Variants in SLC39A11 observed in about 807,000 individuals in gnomAD.
SLC39A11 encodes the protein zinc transporter ZIP11.
A neutral mutation model predicts 36.1 loss-of-function variants in SLC39A11; 33 were observed. The observed-to-expected ratio is 0.91, with a 90% CI of 0.69 to 1.22. SLC39A11 has a LOEUF of 1.22. Ranked by LOEUF, SLC39A11 falls within the 50% of genes most tolerant of loss-of-function variation. The pLI is 0.00. For synonymous variants in SLC39A11, 166 were observed against 170.3 expected (o/e 0.97, Z 0.20); for missense variants, 432 against 430.3 (o/e 1.00, Z -0.03).
intron 3 of SLC39A11, among the ~76,000 whole-genome samples, chr17:73,062,475 A>AAAAAAAAAAAAAAAAAAAAAAAATC (rs56021607): frequency 1.1e-5 from 1 of 87,034 alleles, no homozygotes; most frequent in Non-Finnish European, 2.1e-5. Context: ...AAAAAAAAAA[A>AAAAAAAAAAAAAAAAAAAAAAAATC]AAACTTTAGG....
intron 6 of SLC39A11, among the ~76,000 whole-genome samples, chr17:72,742,279 C>A (rs538041528): frequency 6.6e-6 from 1 of 152,204 alleles, no homozygotes; most frequent in African/African-American, 2.4e-5. Context: ...GATGGGTATG[C>A]CTAAGGGTTT....
At chr17:72,887,177 A>T (rs2081477093) in intron 5 of SLC39A11, among the ~76,000 whole-genome samples, 1 of 152,198 alleles carries the variant, frequency 6.6e-6, no homozygotes, top group Non-Finnish European at 1.5e-5. Flanking sequence ...GGATAGCACG[A>T]ATCACACACC....
intron 7 of SLC39A11, among the ~76,000 whole-genome samples, chr17:72,713,313 C>T (rs1281938030): frequency 1.3e-5 from 2 of 152,178 alleles, no homozygotes; most frequent in Non-Finnish European, 2.9e-5. Context: ...CAGCATCTCC[C>T]TGTTTCTCCA....
intron 6 of SLC39A11, among the ~76,000 whole-genome samples, chr17:72,836,480 G>A (rs1008491470): frequency 2.0e-5 from 3 of 151,882 alleles, no homozygotes; most frequent in Non-Finnish European, 4.4e-5. Flanking sequence ...AGCTGTGACT[G>A]CAATCACGCG....
chr17:72,868,592 G>A (rs555383207), intron 5 of SLC39A11, among the ~76,000 whole-genome samples: 62 of 121,234 alleles, frequency 5.1e-4, no homozygotes, highest in South Asian at 2.3e-3. Context: ...GACCAGCCTC[G>A]GCAATATAGT....
chr17:72,893,397 T>G, intron 5 of SLC39A11, among the ~76,000 whole-genome samples: 1 of 150,790 alleles, frequency 6.6e-6, no homozygotes, highest in African/African-American at 2.4e-5. Context: ...GGGGTGGAGG[T>G]TGCAGTGACC....
At chr17:72,686,525 C>A (rs1253849998) in intron 7 of SLC39A11, among the ~76,000 whole-genome samples, 1 of 151,844 alleles carries the variant, frequency 6.6e-6, no homozygotes, top group Non-Finnish European at 1.5e-5. Context: ...TCCCTCCAGA[C>A]CCCCCTCTGC....
At chr17:72,918,680 A>C (rs2083466522) in intron 5 of SLC39A11, among the ~76,000 whole-genome samples, 1 of 152,158 alleles carries the variant, frequency 6.6e-6, no homozygotes, top group Non-Finnish European at 1.5e-5. Flanking sequence ...ATGACAAATA[A>C]CTGTTATAAA....
chr17:73,032,265 G>A (rs2058761531), intron 3 of SLC39A11, among the ~76,000 whole-genome samples: 1 of 151,274 alleles, frequency 6.6e-6, no homozygotes, highest in Non-Finnish European at 1.5e-5. Flanking sequence ...GGAGTGCAGT[G>A]GCACAATCTT....
At chr17:73,031,735 G>A (rs1002728065) in intron 3 of SLC39A11, 21 bp from the exon 4 acceptor site, 11 of 1,611,352 alleles carry the variant, frequency 6.8e-6, no homozygotes, top group Non-Finnish European at 9.3e-6. Context: ...CACAACGAGA[G>A]ATAAACGTTA....
intron 5 of SLC39A11, among the ~76,000 whole-genome samples, chr17:72,903,601 T>G (rs937582325): frequency 2.0e-5 from 3 of 152,166 alleles, no homozygotes; most frequent in African/African-American, 7.2e-5. Flanking sequence ...CCCCGGGTAA[T>G]GAGCAGACAC....
chr17:72,947,245 T>C (rs1268713730), intron 5 of SLC39A11, among the ~76,000 whole-genome samples: 1 of 149,952 alleles, frequency 6.7e-6, no homozygotes, highest in Non-Finnish European at 1.5e-5. Context: ...ACCTGAAAGG[T>C]GGAAGTTGCA....
chr17:72,764,542 C>A (rs1025913401), intron 6 of SLC39A11, among the ~76,000 whole-genome samples: 1 of 152,062 alleles, frequency 6.6e-6, no homozygotes, highest in African/African-American at 2.4e-5. Context: ...GCCTTGTGTA[C>A]CCCTTCAGTG....
rs565172176 is a variant in SLC39A11 at position 72,858,740 on chromosome 17, A to G, written c.431-8936T>C. Among the ~76,000 whole-genome samples the G allele has an allele frequency of 1.8e-3, 275 of 152,216 alleles. 1 individual carries two copies. Among genetic ancestry groups the G allele is most frequent in the African/African-American group, 6.2e-3 (259 of 41,518 alleles). Reference sequence around the variant, plus strand: ...TAGGTATTGTATTCTTCTGGGGTCAATTGTGAATGGTATTGCGTTCCTGGT... The same window carrying G: ...TAGGTATTGTATTCTTCTGGGGTCAGTTGTGAATGGTATTGCGTTCCTGGT... On this transcript the variant is annotated intron_variant, in intron 5 of 9. Transcript: ENST00000255559.
intron 7 of SLC39A11, among the ~76,000 whole-genome samples, chr17:72,664,746 T>C (rs1460458608): frequency 6.6e-6 from 1 of 152,256 alleles, no homozygotes; most frequent in Non-Finnish European, 1.5e-5. Context: ...TGCTGGCCTG[T>C]AATGACTTAC....
chr17:73,035,960 C>T (rs1018028730), intron 3 of SLC39A11, among the ~76,000 whole-genome samples: 3 of 151,082 alleles, frequency 2.0e-5, no homozygotes, highest in African/African-American at 7.3e-5. Context: ...TGAAAGATGC[C>T]ATGCTGCTGG....
chr17:72,930,092 C>A (rs190115954), intron 5 of SLC39A11, among the ~76,000 whole-genome samples: 1 of 152,154 alleles, frequency 6.6e-6, no homozygotes, highest in Non-Finnish European at 1.5e-5. Flanking sequence ...TTGAAATATA[C>A]GATCAAAACC....
At chr17:72,686,500 C>T (rs549735346) in intron 7 of SLC39A11, among the ~76,000 whole-genome samples, 33 of 152,302 alleles carry the variant, frequency 2.2e-4, no homozygotes, top group African/African-American at 7.9e-4. Flanking sequence ...GTGCACCACA[C>T]CCTGCCTGGG....
chr17:73,085,248 T>C (rs377040022), intron 2 of SLC39A11, among the ~76,000 whole-genome samples: 2 of 152,006 alleles, frequency 1.3e-5, no homozygotes, highest in East Asian at 3.9e-4. Context: ...TGCTCACATG[T>C]GTAATCCCAG....
Sources: gnomAD v4.1 joint callset for allele counts (sites outside exome capture counted in the v4.1 genomes callset) on GRCh38, gnomAD v4.1.1 for gene constraint, MANE v1.5 for transcripts, NCBI Gene and HGNC (gene_info 2026-07-23, HGNC 2026-07-21) for gene names.